Variants in PTPRO observed in about 807,000 individuals in gnomAD.
PTPRO encodes the protein receptor-type tyrosine-protein phosphatase O.
A neutral mutation model predicts 145.2 loss-of-function variants in PTPRO; 62 were observed. That is an observed-to-expected ratio of 0.43 (90% CI 0.35 to 0.53). The LOEUF (loss-of-function observed/expected upper bound fraction) is 0.53. Ranked by LOEUF, PTPRO falls within the 20% of genes least tolerant of loss-of-function variation. The pLI is 0.01. For missense variants in PTPRO, 1,345 were observed against 1,482.7 expected, an observed-to-expected ratio of 0.91 and a Z score of 1.53; for synonymous variants, 565 against 514.7, an observed-to-expected ratio of 1.10 and a Z score of -1.32.
At chr12:15,544,409 G>T (rs1014525724) in intron 12 of PTPRO, among the ~76,000 whole-genome samples, 2 of 150,150 alleles carry the variant, frequency 1.3e-5, no homozygotes, top group African/African-American at 4.9e-5. Flanking sequence ...GGAGGCTGAG[G>T]CAGGAGAATT....
At chr12:15,554,753 A>G (rs994710947) in intron 15 of PTPRO, among the ~76,000 whole-genome samples, 1 of 152,214 alleles carries the variant, frequency 6.6e-6, no homozygotes, top group African/African-American at 2.4e-5. Context: ...TCATATGTTA[A>G]TCTCCTTTGG....
At chr12:15,478,817 G>C (rs1255074047) in intron 1 of PTPRO, among the ~76,000 whole-genome samples, 1 of 151,970 alleles carries the variant, frequency 6.6e-6, no homozygotes, top group Admixed American at 6.6e-5. Flanking sequence ...GACTACAGGT[G>C]CCCGCCACCA....
chr12:15,379,152 A>G (rs1340446167), intron 1 of PTPRO, among the ~76,000 whole-genome samples: 5 of 152,116 alleles, frequency 3.3e-5, no homozygotes, highest in African/African-American at 1.2e-4. Context: ...ATAAAATCAT[A>G]TGACCCACAC....
chr12:15,330,929 G>A (rs151300533), intron 1 of PTPRO, among the ~76,000 whole-genome samples: 71 of 152,210 alleles, frequency 4.7e-4, no homozygotes, highest in African/African-American at 1.5e-3. Flanking sequence ...TGGTAGGTTT[G>A]GTGGTAGACC....
At chr12:15,579,728 C>G (rs913587696) in intron 20 of PTPRO, among the ~76,000 whole-genome samples, 1 of 152,106 alleles carries the variant, frequency 6.6e-6, no homozygotes, top group Non-Finnish European at 1.5e-5. Context: ...AGGCTATATA[C>G]TATAGCTGTC....
At chr12:15,547,308 C>T (rs1943320087) in intron 13 of PTPRO, among the ~76,000 whole-genome samples, 1 of 152,098 alleles carries the variant, frequency 6.6e-6, no homozygotes, top group Non-Finnish European at 1.5e-5. Flanking sequence ...CAGAGTTATT[C>T]ACCAGGTCAG....
intron 2 of PTPRO, among the ~76,000 whole-genome samples, chr12:15,493,488 A>G (rs958116966): frequency 6.6e-6 from 1 of 152,082 alleles, no homozygotes; most frequent in Non-Finnish European, 1.5e-5. Context: ...AAGAACCCCA[A>G]AACAGGCAAA....
intron 1 of PTPRO, among the ~76,000 whole-genome samples, chr12:15,436,903 T>C (rs941434799): frequency 6.6e-6 from 1 of 152,152 alleles, no homozygotes; most frequent in Non-Finnish European, 1.5e-5. Flanking sequence ...CGGTTTCTTC[T>C]GAGCAGCAAG....
chr12:15,558,512 C>A (rs1313910946), intron 16 of PTPRO, among the ~76,000 whole-genome samples: 1 of 152,164 alleles, frequency 6.6e-6, no homozygotes, highest in South Asian at 2.1e-4. Flanking sequence ...ACAATCCTAT[C>A]CAGTTCAATC....
chr12:15,512,130 A>G (rs1253934307), intron 7 of PTPRO, among the ~76,000 whole-genome samples: 1 of 151,144 alleles, frequency 6.6e-6, no homozygotes, highest in Non-Finnish European at 1.5e-5. Context: ...TGGGGGGGTT[A>G]TTGAGATGGA....
In PTPRO at chr12:15,360,821, T is replaced by C. The variant is rs61907998; in HGVS notation, c.75+38020T>C. On this transcript the variant is annotated intron_variant, in intron 1 of 26. Transcript: ENST00000281171. The stretch of plus-strand genomic sequence containing the variant: ...GTGTGTATATATACGTGTGTATATA[T>C]GTGTGTGTATATATATACGTGTGTA... Among the ~76,000 whole-genome samples the C allele has an allele frequency of 7.5e-4, 101 of 134,756 alleles. 6 individuals carry two copies. The highest frequency in any genetic ancestry group is 2.2e-3 in the Admixed American group (30 of 13,678). 88.4% of individuals were successfully genotyped at this position (134,756 alleles called of 152,430 possible).
intron 19 of PTPRO, among the ~76,000 whole-genome samples, chr12:15,572,766 G>GAGTA (rs377090479): frequency 4.0e-5 from 1 of 24,966 alleles, no homozygotes; most frequent in Non-Finnish European, 3.4e-4. Flanking sequence ...TGTATAAAAT[G>GAGTA]GGTGAGTTGA....
chr12:15,339,085 T>C (rs1015202038), intron 1 of PTPRO, among the ~76,000 whole-genome samples: 9 of 152,198 alleles, frequency 5.9e-5, no homozygotes, highest in African/African-American at 2.2e-4. Flanking sequence ...AAGAGAACTG[T>C]ATTGAAATAA....
Position 15,565,575 on chromosome 12 carries a change from T to G in PTPRO, c.2712-18T>G. 6.9e-7 allele frequency: 1 copy of G among 1,440,472 alleles called. No individual in the cohort carries two copies. The highest frequency in any genetic ancestry group is 9.7e-7 in the Non-Finnish European group (1 of 1,026,544). 89.2% of individuals were successfully genotyped at this position (1,440,472 alleles called of 1,614,324 possible). On this transcript the variant is annotated intron_variant, in intron 17 of 26. Transcript: ENST00000281171. Reference sequence around the variant, plus strand: ...TCTTCTGCCCAGATAAATTTGTCTTTTCTTTTTTAATTATCAGGAGTAAAA... The same window carrying G: ...TCTTCTGCCCAGATAAATTTGTCTTGTCTTTTTTAATTATCAGGAGTAAAA...
intron 13 of PTPRO, among the ~76,000 whole-genome samples, 187 bp from the exon 14 acceptor site, chr12:15,548,907 C>T (rs1209545707): frequency 1.3e-5 from 2 of 151,978 alleles, no homozygotes; most frequent in East Asian, 1.9e-4. Context: ...TGGAATAATG[C>T]TGCTTCCATG....
intron 1 of PTPRO, among the ~76,000 whole-genome samples, chr12:15,458,519 T>C (rs1415695700): frequency 6.6e-6 from 1 of 151,896 alleles, no homozygotes. Context: ...AGTGAGCTTT[T>C]ATCACTCTTT....
intron 1 of PTPRO, among the ~76,000 whole-genome samples, chr12:15,368,332 T>TA (rs1265733774): frequency 6.6e-6 from 1 of 152,220 alleles, no homozygotes; most frequent in African/African-American, 2.4e-5. Context: ...TAGGAAGCCT[T>TA]GTCTAGCCAC....
At chr12:15,571,955 A>G (rs1591754131) in intron 19 of PTPRO, among the ~76,000 whole-genome samples, 1 of 152,242 alleles carries the variant, frequency 6.6e-6, no homozygotes, top group Non-Finnish European at 1.5e-5. Context: ...TAAATGTTCA[A>G]TTTATAATAT....
chr12:15,563,113 C>T (rs538693032), intron 17 of PTPRO, among the ~76,000 whole-genome samples: 1 of 152,190 alleles, frequency 6.6e-6, no homozygotes, highest in African/African-American at 2.4e-5. Context: ...CTAATTTATG[C>T]AGAATGTATC....
Sources: gnomAD v4.1 joint callset for allele counts (sites outside exome capture counted in the v4.1 genomes callset) on GRCh38, gnomAD v4.1.1 for gene constraint, MANE v1.5 for transcripts, NCBI Gene and HGNC (gene_info 2026-07-23, HGNC 2026-07-21) for gene names.